CSTPP1: variants seen among roughly 807,000 people sequenced by gnomAD.
CSTPP1 encodes UPF0705 protein C11orf49.
chr11:46,992,523 G>C, the CSTPP1 span, among the ~76,000 whole-genome samples: 1 of 151,810 alleles, frequency 6.6e-6, no homozygotes, highest in South Asian at 2.1e-4. Context: ...TTTGCTCAGA[G>C]TGATGGTTTC....
At chr11:46,939,082 CTTTTTTTTTTTT>C in the CSTPP1 span, among the ~76,000 whole-genome samples, 10 of 84,744 alleles carry the variant, frequency 1.2e-4, no homozygotes, top group Admixed American at 2.9e-4. Flanking sequence ...TGGCTTACAT[CTTTTTTTTTTTT>C]TTTTTTTTTT....
chr11:47,155,285 G>A, the CSTPP1 span: 1 of 1,589,680 alleles, frequency 6.3e-7, no homozygotes, highest in Non-Finnish European at 8.6e-7. Flanking sequence ...GGCTCCATCT[G>A]GCTCCGCACA....
chr11:47,148,203 G>C, the CSTPP1 span, among the ~76,000 whole-genome samples: 1 of 152,156 alleles, frequency 6.6e-6, no homozygotes, highest in Non-Finnish European at 1.5e-5. Context: ...TGTCATCGCT[G>C]CTTCTCTCAT....
At chr11:47,115,094 G>A in the CSTPP1 span, among the ~76,000 whole-genome samples, 4 of 152,172 alleles carry the variant, frequency 2.6e-5, no homozygotes, top group East Asian at 7.7e-4. Context: ...TAATCAAGTG[G>A]TTTTTGTCTT....
chr11:46,963,770 G>A, the CSTPP1 span, among the ~76,000 whole-genome samples: 3 of 147,620 alleles, frequency 2.0e-5, no homozygotes, highest in Non-Finnish European at 4.4e-5. Flanking sequence ...GGGCAACAGA[G>A]TGAGACTCTG....
chr11:47,035,260 A>T, the CSTPP1 span, among the ~76,000 whole-genome samples: 1 of 152,218 alleles, frequency 6.6e-6, no homozygotes, highest in South Asian at 2.1e-4. Flanking sequence ...ATTCAACTTT[A>T]TCTTGTAACG....
chr11:47,032,196 G>T, the CSTPP1 span, among the ~76,000 whole-genome samples: 7 of 151,984 alleles, frequency 4.6e-5, no homozygotes, highest in African/African-American at 7.3e-5. Context: ...CAAATATTAA[G>T]CTAATAAAAT....
At chr11:47,116,780 C>T in the CSTPP1 span, among the ~76,000 whole-genome samples, 1 of 146,490 alleles carries the variant, frequency 6.8e-6, no homozygotes, top group Non-Finnish European at 1.5e-5. Context: ...CCCGGGTTCA[C>T]GCCATTCTCC....
chr11:46,985,082 C>T, the CSTPP1 span, among the ~76,000 whole-genome samples: 1 of 146,416 alleles, frequency 6.8e-6, no homozygotes, highest in African/African-American at 2.5e-5. Context: ...GTTTTCACCT[C>T]TTTTTGGGTG....
At chr11:47,114,735 C>T in the CSTPP1 span, among the ~76,000 whole-genome samples, 10 of 152,194 alleles carry the variant, frequency 6.6e-5, no homozygotes, top group Non-Finnish European at 8.8e-5. Flanking sequence ...TTTTGGGCTG[C>T]GACAATGGGT....
the CSTPP1 span, among the ~76,000 whole-genome samples, chr11:46,988,972 C>T: frequency 7.9e-5 from 12 of 152,234 alleles, no homozygotes; most frequent in African/African-American, 2.9e-4. Flanking sequence ...TGGCTCAAAC[C>T]CGTAATCCCA....
the CSTPP1 span, among the ~76,000 whole-genome samples, chr11:46,994,068 G>T: frequency 1.3e-5 from 2 of 152,104 alleles, no homozygotes; most frequent in African/African-American, 4.8e-5. Context: ...TCATGATTTT[G>T]CTCTCAGTTT....
chr11:47,013,164 GT>G, the CSTPP1 span, among the ~76,000 whole-genome samples: 1 of 144,864 alleles, frequency 6.9e-6, no homozygotes, highest in African/African-American at 2.5e-5. Flanking sequence ...TATATAAATG[GT>G]TATTATATAT....
At chr11:47,016,404 C>CAAAA in the CSTPP1 span, among the ~76,000 whole-genome samples, 9 of 30,230 alleles carry the variant, frequency 3.0e-4, no homozygotes, top group Admixed American at 1.1e-3. Flanking sequence ...AAACAAAAAA[C>CAAAA]AAAAAACAAA....
chr11:47,003,074 C>G, the CSTPP1 span, among the ~76,000 whole-genome samples: 1 of 152,150 alleles, frequency 6.6e-6, no homozygotes, highest in East Asian at 1.9e-4. Context: ...CTTTGGGAAG[C>G]CAAGGTGGGA....
chr11:47,138,979 C>CAAAAAAAAAAAAAAAAA, the CSTPP1 span, among the ~76,000 whole-genome samples: 1 of 40,898 alleles, frequency 2.4e-5, no homozygotes. Context: ...GACTCCGTCT[C>CAAAAAAAAAAAAAAAAA]AAAAAAAAAA....
chr11:47,045,850 C>T, the CSTPP1 span, among the ~76,000 whole-genome samples: 2 of 151,646 alleles, frequency 1.3e-5, no homozygotes, highest in Non-Finnish European at 2.9e-5. Context: ...GCAGTGGTGC[C>T]ATCTAGGCTC....
At chr11:46,951,564 C>T in the CSTPP1 span, among the ~76,000 whole-genome samples, 11 of 152,084 alleles carry the variant, frequency 7.2e-5, no homozygotes, top group East Asian at 1.5e-3. Context: ...AGATTACAGA[C>T]GTGAGCCACC....
the CSTPP1 span, chr11:47,042,008 G>A: frequency 2.1e-5 from 4 of 190,742 alleles, 1 homozygote; most frequent in East Asian, 3.6e-4. Context: ...GTTTGAGATC[G>A]GCCTGGAAGT....
Sources: allele counts gnomAD v4.1 joint callset (sites outside exome capture counted in the v4.1 genomes callset), GRCh38; gene constraint gnomAD v4.1.1; transcripts MANE v1.5; gene names NCBI Gene and HGNC (gene_info 2026-07-23, HGNC 2026-07-21).